The following DHRS7C variants were observed in gnomAD, a reference collection of about 807,000 sequenced individuals.
DHRS7C encodes dehydrogenase/reductase 7C, also known as dehydrogenase/reductase SDR family member 7C.
A neutral mutation model predicts 29.6 loss-of-function variants in DHRS7C; 28 were observed. That is an observed-to-expected ratio of 0.95 (90% confidence interval 0.70 to 1.30). The LOEUF (loss-of-function observed/expected upper bound fraction) is 1.30, where lower values mean the gene tolerates loss of function less well. Among genes scored for constraint, DHRS7C ranks in the 50% most tolerant of loss-of-function variants. The pLI is 0.00. For synonymous variants in DHRS7C, 158 were observed against 160.2 expected, an observed-to-expected ratio of 0.99 and a Z score of 0.10; for missense variants, 403 against 393.3, an observed-to-expected ratio of 1.02 and a Z score of -0.21.
In DHRS7C at chr17:9,774,580, G is replaced by A. The variant is rs117149716; in HGVS notation, c.572-1658C>T. On this transcript the variant is annotated intron_variant, in intron 4 of 5. Coordinates refer to ENST00000571134, the MANE Select transcript of DHRS7C (RefSeq NM_001105571.3). The surrounding 1 kb of genome is among the most constrained non-coding windows in gnomAD (Gnocchi z 5.0). ...ATTGCAGGTATGAGCCACTGTGCCC[G>A]GCCCCATGTGGCATGGTTAATGCAG... Among the ~76,000 whole-genome samples, 5 of 152,258 alleles carry A rather than the reference G, an allele frequency of 3.3e-5. No individual in the cohort carries two copies. Among genetic ancestry groups the A allele is most frequent in the East Asian group, 3.9e-4 (2 of 5,180 alleles).
intron 1 of DHRS7C, among the ~76,000 whole-genome samples, chr17:9,789,753 C>G (rs932580462): frequency 9.2e-5 from 14 of 152,188 alleles, no homozygotes; most frequent in Admixed American, 8.5e-4. Flanking sequence ...TTTCGCAAAG[C>G]CTTCTGTTCT....
At chr17:9,784,080 G>C (rs2066409030) in intron 1 of DHRS7C, among the ~76,000 whole-genome samples, 1 of 151,838 alleles carries the variant, frequency 6.6e-6, no homozygotes, top group Admixed American at 6.6e-5. Context: ...GACGAAGATA[G>C]AGATGAATAT....
intron 1 of DHRS7C, among the ~76,000 whole-genome samples, chr17:9,788,753 T>C (rs2066438450): frequency 6.6e-6 from 1 of 152,236 alleles, no homozygotes; most frequent in African/African-American, 2.4e-5. Context: ...CTCAGTGCCC[T>C]GGACTTAAGA....
At chr17:9,784,440 C>T (rs1242869025) in intron 1 of DHRS7C, among the ~76,000 whole-genome samples, 1 of 152,096 alleles carries the variant, frequency 6.6e-6, no homozygotes, top group Non-Finnish European at 1.5e-5. Context: ...CCACTGCACT[C>T]CAGCCTGGGG....
chr17:9,789,224 T>G (rs1044382693), intron 1 of DHRS7C, among the ~76,000 whole-genome samples: 1 of 152,188 alleles, frequency 6.6e-6, no homozygotes, highest in African/African-American at 2.4e-5. Flanking sequence ...CGTACATTCT[T>G]GTCAAGCACT....
At chr17:9,777,125 T>C in intron 4 of DHRS7C, 68 bp downstream of exon 4, 1 of 1,369,256 alleles carries the variant, frequency 7.3e-7, no homozygotes, top group Non-Finnish European at 1.0e-6. Flanking sequence ...GTCTTAGACA[T>C]AACAGCTCTT....
intron 1 of DHRS7C, among the ~76,000 whole-genome samples, chr17:9,783,929 A>T (rs2066407354): frequency 6.9e-6 from 1 of 145,502 alleles, no homozygotes; most frequent in Non-Finnish European, 1.5e-5. Context: ...CAACAGAGTG[A>T]GACTCTGTTT....
At chr17:9,778,938 G>C (rs996221054) in intron 3 of DHRS7C, among the ~76,000 whole-genome samples, 1 of 151,892 alleles carries the variant, frequency 6.6e-6, no homozygotes, top group Non-Finnish European at 1.5e-5. Flanking sequence ...TTTTTAGACA[G>C]TCTCACCCTG....
chr17:9,783,624 T>C (rs1310319539), intron 1 of DHRS7C, among the ~76,000 whole-genome samples: 1 of 152,186 alleles, frequency 6.6e-6, no homozygotes, highest in Admixed American at 6.5e-5. Flanking sequence ...GAGAATTTAG[T>C]GTATGATAAA....
In DHRS7C at chr17:9,771,732, TC is replaced by T. The variant is rs1429370982; in HGVS notation, c.728-37del. On this transcript the variant is annotated intron_variant, in intron 5 of 5. Coordinates refer to ENST00000571134, the MANE Select transcript of DHRS7C (RefSeq NM_001105571.3). ...CCAGTTGGGGGCGGGGGTTATGACC[TC>T]CGTGGGGACCCGGCTGGTCAGAGCC... 8 of 1,386,962 alleles carry T rather than the reference TC, an allele frequency of 5.8e-6. No individual in the cohort carries two copies. In the East Asian group the frequency reaches 2.2e-4, roughly 39 times the overall value. The allele number at this position is 1,386,962 out of a possible 1,614,324, so 85.9% of individuals were successfully genotyped here. A position where few individuals can be genotyped will look rare whatever the true frequency, so the allele number is the denominator to read the frequency against.
At chr17:9,789,343 A>G (rs2066441940) in intron 1 of DHRS7C, among the ~76,000 whole-genome samples, 1 of 152,244 alleles carries the variant, frequency 6.6e-6, no homozygotes, top group African/African-American at 2.4e-5. Flanking sequence ...GCTGGAAAGC[A>G]ATAAAACAAA....
intron 2 of DHRS7C, among the ~76,000 whole-genome samples, chr17:9,780,700 G>T (rs2066388602): frequency 6.6e-6 from 1 of 152,176 alleles, no homozygotes; most frequent in African/African-American, 2.4e-5. Context: ...AGTCAAATTT[G>T]TTTGGGAAAC....
intron 4 of DHRS7C, 49 bp from the exon 5 acceptor site, chr17:9,772,971 C>T (rs771504781): frequency 6.2e-7 from 1 of 1,600,428 alleles, no homozygotes; most frequent in Non-Finnish European, 8.5e-7. Context: ...CCCGGCCCTG[C>T]TTCCTGGTGG....
chr17:9,772,995 A>G lies in DHRS7C; in HGVS notation c.572-73T>C, dbSNP rs117441215. ...GCTTCCTGGTGGGCGCATTGGAGGC[A>G]GGAGGGCCGACAGACACATTTCCTA... On this transcript the variant is annotated intron_variant, in intron 4 of 5. Coordinates refer to ENST00000571134, the MANE Select transcript of DHRS7C (RefSeq NM_001105571.3). 1,734 of 1,558,010 alleles carry G rather than the reference A, an allele frequency of 1.1e-3. 27 individuals are homozygous for G. In the East Asian group the frequency reaches 0.033, roughly 30 times the overall value.
At chr17:9,773,720 T>TA (rs1491552897) in intron 4 of DHRS7C, among the ~76,000 whole-genome samples, 2 of 80,436 alleles carry the variant, frequency 2.5e-5, no homozygotes, top group East Asian at 9.0e-4. Flanking sequence ...CAATGAGGCC[T>TA]TTTTTTTTTT....
At chr17:9,790,269 C>T (rs2066447511) in intron 1 of DHRS7C, among the ~76,000 whole-genome samples, 1 of 152,190 alleles carries the variant, frequency 6.6e-6, no homozygotes, top group East Asian at 1.9e-4. Flanking sequence ...GGGATCTATG[C>T]TCTATTAAAA....
At position 9,778,114 on chromosome 17, in the gene DHRS7C, G is replaced by A. The variant is rs565571969; in HGVS notation, c.479-829C>T. On this transcript the variant is annotated intron_variant, in intron 3 of 5. Coordinates refer to ENST00000571134, the MANE Select transcript of DHRS7C (RefSeq NM_001105571.3). Reference sequence around the variant, plus strand: ...CATGTTAAAATGGACAAACTGAGCCGGGTGCAGTGGCTCACGCCTGTAATC... The same window carrying A: ...CATGTTAAAATGGACAAACTGAGCCAGGTGCAGTGGCTCACGCCTGTAATC... Among the ~76,000 whole-genome samples the A allele has an allele frequency of 3.3e-5, 5 of 152,252 alleles. No individual in the cohort carries two copies. In the South Asian group the frequency reaches 6.2e-4, roughly 19 times the overall value.
At chr17:9,785,632 GA>G (rs2066418965) in intron 1 of DHRS7C, among the ~76,000 whole-genome samples, 1 of 152,134 alleles carries the variant, frequency 6.6e-6, no homozygotes, top group Non-Finnish European at 1.5e-5. Flanking sequence ...AGTGAGTGGA[GA>G]AAAAACCCAC....
chr17:9,790,961 C>T (rs1483172336), intron 1 of DHRS7C, among the ~76,000 whole-genome samples, 170 bp downstream of exon 1: 17 of 152,200 alleles, frequency 1.1e-4, no homozygotes, highest in Non-Finnish European at 1.5e-5. Context: ...CTGCAGCCTC[C>T]AAAAGATGGG....
Sources: gnomAD v4.1 joint callset for allele counts (sites outside exome capture counted in the v4.1 genomes callset) on GRCh38, gnomAD v4.1.1 for gene constraint, Gnocchi (gnomAD v3.1) non-coding constraint, MANE v1.5 for transcripts, NCBI Gene and HGNC (gene_info 2026-07-23, HGNC 2026-07-21) for gene names.